SPIC: variants seen among roughly 807,000 people sequenced by gnomAD.
SPIC encodes Spi-C transcription factor.
Under a neutral mutation model 16.7 loss-of-function variants are expected in SPIC, and 9 were observed. The observed-to-expected ratio is 0.54, with a 90% CI of 0.33 to 0.94. SPIC has a LOEUF of 0.94. SPIC is among the 40% of genes least tolerant of loss of function. SPIC has a pLI of 0.03. For missense variants in SPIC, 241 were observed against 285.8 expected, an observed-to-expected ratio of 0.84 and a Z score of 1.13; for synonymous variants, 97 against 102.9, an observed-to-expected ratio of 0.94 and a Z score of 0.35.
intron 3 of SPIC, among the ~76,000 whole-genome samples, chr12:101,479,154 A>AAAAGAAAGAAAGAAAGAAAAAG (rs1873058207): frequency 7.6e-6 from 1 of 131,844 alleles, no homozygotes; most frequent in African/African-American, 2.9e-5. Context: ...AAAAAGAAAG[A>AAAAGAAAGAAAGAAAGAAAAAG]AAAGAAAGAA....
At chr12:101,477,878 A>G (rs1056193943) in intron 3 of SPIC, among the ~76,000 whole-genome samples, 7 of 152,106 alleles carry the variant, frequency 4.6e-5, no homozygotes, top group Admixed American at 1.3e-4. Flanking sequence ...TTAGCTAGGC[A>G]TGGTGGCGCG....
At chr12:101,486,316 A>G (rs750074693) in intron 5 of SPIC, 28 bp from the exon 6 acceptor site, 15 of 1,580,302 alleles carry the variant, frequency 9.5e-6, no homozygotes, top group Non-Finnish European at 1.2e-5. Flanking sequence ...GCCACGGTGG[A>G]GTTTGACCTT....
At chr12:101,480,573 A>G (rs1222865760) in intron 4 of SPIC, among the ~76,000 whole-genome samples, 1 of 152,190 alleles carries the variant, frequency 6.6e-6, no homozygotes, top group Non-Finnish European at 1.5e-5. Context: ...ATGAGGTATA[A>G]ATGTGAATTG....
chr12:101,481,723 A>T (rs1157129598), intron 4 of SPIC, among the ~76,000 whole-genome samples: 1 of 151,436 alleles, frequency 6.6e-6, no homozygotes, highest in Admixed American at 6.6e-5. Flanking sequence ...CATGTTGGCC[A>T]GGCTGATCTC....
intron 5 of SPIC, among the ~76,000 whole-genome samples, chr12:101,484,854 C>T (rs1395004410): frequency 1.3e-5 from 2 of 151,006 alleles, no homozygotes; most frequent in Non-Finnish European, 2.9e-5. Flanking sequence ...GGCGACAGAG[C>T]GAGACTCCAT....
chr12:101,485,372 T>A (rs2121267580), intron 5 of SPIC, among the ~76,000 whole-genome samples: 1 of 152,368 alleles, frequency 6.6e-6, no homozygotes, highest in African/African-American at 2.4e-5. Flanking sequence ...CAAAATTTCC[T>A]GCCTAGTTAT....
In SPIC at chr12:101,479,730, A is replaced by T. The variant is rs574204917; in HGVS notation, c.210+36A>T. On this transcript the variant is annotated intron_variant, in intron 4 of 5. Transcript: ENST00000551346. The stretch of plus-strand genomic sequence containing the variant: ...GACCATCCCTTAATAACAGGCAAAT[A>T]TCCTATTCTTGCCAGCCTTCCATTT... The T allele has an allele frequency of 3.1e-4, 466 of 1,485,944 alleles. 6 individuals carry two copies. In the South Asian group the frequency reaches 5.2e-3, roughly 16 times the overall value. The allele number at this position is 1,485,944 out of a possible 1,614,324, so 92.0% of individuals were successfully genotyped here.
chr12:101,486,303 A>G (rs1873363487), intron 5 of SPIC, 41 bp from the exon 6 acceptor site: 2 of 1,558,172 alleles, frequency 1.3e-6, no homozygotes, highest in Non-Finnish European at 1.7e-6. Context: ...TTCTCGGTTT[A>G]CAGCCACGGT....
At chr12:101,486,084 A>AGC (rs1873356330) in intron 5 of SPIC, among the ~76,000 whole-genome samples, 1 of 152,236 alleles carries the variant, frequency 6.6e-6, no homozygotes, top group Non-Finnish European at 1.5e-5. Flanking sequence ...TACAGGCGTG[A>AGC]GCCATCACGC....
chr12:101,479,823 T>TC, intron 4 of SPIC, 129 bp downstream of exon 4: 1 of 593,892 alleles, frequency 1.7e-6, no homozygotes, highest in Non-Finnish European at 2.7e-6. Context: ...TCTTTCTTTT[T>TC]TTTTTTTTTT....
In SPIC at chr12:101,475,436, C is replaced by T. The variant is rs558827655; in HGVS notation, c.-144C>T. ...AAATAATTTTTTATTTTCATGATAG[C>T]CTACCGTTGAATTTACCGTTCTGAT... On this transcript the variant is annotated 5_prime_UTR_variant, in exon 1 of 6. Transcript: ENST00000551346. 11 of 151,970 alleles carry T rather than the reference C, an allele frequency of 7.2e-5. No individual in the cohort carries two copies. Among genetic ancestry groups the T allele is most frequent in the African/African-American group, 2.7e-4 (11 of 41,466 alleles). The allele number at this position is 151,970 out of a possible 1,614,324, so 9.4% of individuals were successfully genotyped here. A position where few individuals can be genotyped will look rare whatever the true frequency, so the allele number is the denominator to read the frequency against.
chr12:101,485,327 T>C (rs1273217460), intron 5 of SPIC, among the ~76,000 whole-genome samples: 1 of 152,138 alleles, frequency 6.6e-6, no homozygotes, highest in African/African-American at 2.4e-5. Flanking sequence ...GCAAAAGAAA[T>C]CCTATCAACT....
intron 2 of SPIC, 96 bp from the exon 3 acceptor site, chr12:101,477,462 A>C: frequency 8.4e-7 from 1 of 1,184,124 alleles, no homozygotes; most frequent in South Asian, 1.3e-5. Context: ...GTCAAGATTG[A>C]GAAACCCTCC....
In SPIC at chr12:101,479,625, C is replaced by G. The variant is rs1217094853; in HGVS notation, c.141C>G (p.Val47=). Reference sequence around the variant, plus strand: ...CTTTAATCAACCATCGTCCTCATGTCAAAGGAAATTCCAGCTGCTATGGAG... The same window carrying G: ...CTTTAATCAACCATCGTCCTCATGTGAAAGGAAATTCCAGCTGCTATGGAG... The part of the protein sequence containing the change: ...YLALINHRPH[V]KGNSSCYGVL... The change falls in exon 4 of 6, where the codon GTC becomes GTG. Residue 47 remains valine (V), a synonymous_variant. Transcript: ENST00000551346. The G allele has an allele frequency of 1.2e-6, 2 of 1,613,574 alleles. No individual in the cohort carries two copies. The highest frequency in any genetic ancestry group is 1.7e-6 in the Non-Finnish European group (2 of 1,179,670).
At chr12:101,479,773 AC>A in intron 4 of SPIC, 79 bp downstream of exon 4, 1 of 1,079,588 alleles carries the variant, frequency 9.3e-7, no homozygotes, top group Non-Finnish European at 1.4e-6. Context: ...ACTGTCTGAA[AC>A]CCAGCTTAAA....
At chr12:101,482,704 C>T in intron 4 of SPIC, 88 bp from the exon 5 acceptor site, 3 of 1,277,494 alleles carry the variant, frequency 2.3e-6, no homozygotes, top group African/African-American at 1.5e-5. Flanking sequence ...GACGCTTAGC[C>T]TCTTTTTCCC....
intron 3 of SPIC, among the ~76,000 whole-genome samples, chr12:101,479,236 GAAAGAA>G (rs1169051962): frequency 2.1e-4 from 19 of 89,326 alleles, no homozygotes; most frequent in African/African-American, 6.0e-4. Flanking sequence ...AAGAAAGAAA[GAAAGAA>G]AAAGAAAGAA....
chr12:101,475,857 G>C (rs906601808), intron 1 of SPIC, among the ~76,000 whole-genome samples: 1 of 152,086 alleles, frequency 6.6e-6, no homozygotes, highest in African/African-American at 2.4e-5. Flanking sequence ...ACCATGAGCC[G>C]AAGAGTGATT....
At chr12:101,478,278 A>G (rs1269614396) in intron 3 of SPIC, among the ~76,000 whole-genome samples, 3 of 151,980 alleles carry the variant, frequency 2.0e-5, no homozygotes, top group African/African-American at 7.2e-5. Flanking sequence ...TGATCCGCCC[A>G]TCTCGGCCTC....
Sources: gnomAD v4.1 joint callset for allele counts (sites outside exome capture counted in the v4.1 genomes callset) on GRCh38, gnomAD v4.1.1 for gene constraint, MANE v1.5 for transcripts, NCBI Gene and HGNC (gene_info 2026-07-23, HGNC 2026-07-21) for gene names.